The following NCOA1 variants were observed in gnomAD, a reference collection of about 807,000 sequenced individuals.
The protein encoded by NCOA1 is nuclear receptor coactivator 1, also known as Hin-2 protein.
NCOA1 carries 35 observed loss-of-function variants against 150.9 expected under a neutral mutation model. The observed-to-expected ratio is 0.23, with a 90% CI of 0.18 to 0.31. The LOEUF is 0.31. Ranked by LOEUF, NCOA1 falls within the 10% of genes least tolerant of loss-of-function variation. The pLI is 1.00. For synonymous variants in NCOA1, 590 were observed against 630.0 expected, an observed-to-expected ratio of 0.94 and a Z score of 0.95; for missense variants, 1,491 against 1,749.3, an observed-to-expected ratio of 0.85 and a Z score of 2.63.
intron 3 of NCOA1, among the ~76,000 whole-genome samples, chr2:24,613,394 G>A (rs1668723392): frequency 6.6e-6 from 1 of 152,214 alleles, no homozygotes; most frequent in Non-Finnish European, 1.5e-5. Context: ...CCCCAGGGGA[G>A]TGGGAAGCAA....
intron 14 of NCOA1, among the ~76,000 whole-genome samples, chr2:24,723,163 T>C (rs1674442604): frequency 6.6e-6 from 1 of 152,170 alleles, no homozygotes; most frequent in Admixed American, 6.5e-5. Context: ...CTTCAAAAAT[T>C]ACGTACATAG....
intron 3 of NCOA1, among the ~76,000 whole-genome samples, chr2:24,603,728 G>A (rs1668232412): frequency 6.6e-6 from 1 of 152,176 alleles, no homozygotes. Flanking sequence ...CATATCTGCG[G>A]TTACTTCTAC....
At position 24,707,610 on chromosome 2, in the gene NCOA1, A is replaced by AGT; in HGVS notation, c.2142_2143dup (p.Ala715ValfsTer8). 6.2e-7 allele frequency: 1 copy of AGT among 1,614,246 alleles called. No homozygotes were observed. Among genetic ancestry groups the AGT allele is most frequent in the Non-Finnish European group, 8.5e-7 (1 of 1,180,038 alleles). ...GTCTGTCGAGCCTGATAAAAAGGACAGTGCATCTACTTCTGTGTCAGTGAC... is the reference window on the plus strand; with the variant it reads ...GTCTGTCGAGCCTGATAAAAAGGACAGTGTGCATCTACTTCTGTGTCAGTGAC... On this transcript the variant is annotated frameshift_variant, in exon 13 of 23. Coordinates refer to ENST00000348332, the MANE Select transcript of NCOA1 (RefSeq NM_003743.5). LOFTEE classifies it high-confidence loss of function.
At chr2:24,763,428 A>C (rs1425251656) in intron 22 of NCOA1, among the ~76,000 whole-genome samples, 1 of 150,614 alleles carries the variant, frequency 6.6e-6, no homozygotes, top group Non-Finnish European at 1.5e-5. Context: ...AGTCCCAGCT[A>C]CTTGGGAGGC....
intron 1 of NCOA1, among the ~76,000 whole-genome samples, chr2:24,507,485 G>A (rs1194441825): frequency 6.9e-6 from 1 of 145,806 alleles, no homozygotes; most frequent in Non-Finnish European, 1.5e-5. Context: ...ACATACTTAT[G>A]GGGTGCCTAT....
intron 3 of NCOA1, among the ~76,000 whole-genome samples, chr2:24,639,309 A>G (rs1670073385): frequency 6.6e-6 from 1 of 151,710 alleles, no homozygotes; most frequent in African/African-American, 2.4e-5. Flanking sequence ...ATTTTTTGAG[A>G]TTTTTCATGT....
chr2:24,715,097 T>A (rs1275201952), intron 14 of NCOA1, among the ~76,000 whole-genome samples: 2 of 151,870 alleles, frequency 1.3e-5, no homozygotes, highest in African/African-American at 4.8e-5. Context: ...GCAGGTGAAA[T>A]AAAGATGTTT....
chr2:24,622,642 G>C (rs1399180483), intron 3 of NCOA1, among the ~76,000 whole-genome samples: 3 of 152,032 alleles, frequency 2.0e-5, no homozygotes, highest in Non-Finnish European at 4.4e-5. Context: ...GATTTTGTCA[G>C]TTTTTTTAGT....
chr2:24,639,828 CA>C (rs1284861082), intron 3 of NCOA1, among the ~76,000 whole-genome samples: 2 of 147,938 alleles, frequency 1.4e-5, no homozygotes, highest in African/African-American at 2.5e-5. Flanking sequence ...GCGGAGGTTG[CA>C]GTGAGCAGAG....
chr2:24,576,163 GTTTTTTGTT>G (rs1666963420), intron 2 of NCOA1, among the ~76,000 whole-genome samples: 4 of 92,730 alleles, frequency 4.3e-5, no homozygotes, highest in Admixed American at 1.0e-4. Flanking sequence ...TTTTTTTTTT[GTTTTTTGTT>G]TTTTTTTTTT....
chr2:24,494,271 G>A (rs1663102999), intron 1 of NCOA1, among the ~76,000 whole-genome samples: 1 of 152,144 alleles, frequency 6.6e-6, no homozygotes, highest in African/African-American at 2.4e-5. Flanking sequence ...ATTTATAATT[G>A]TTTTTCAAGG....
intron 2 of NCOA1, among the ~76,000 whole-genome samples, chr2:24,583,064 A>C (rs1403724837): frequency 6.6e-6 from 1 of 152,188 alleles, no homozygotes; most frequent in African/African-American, 2.4e-5. Flanking sequence ...ACAATAGACA[A>C]ATGGTATTAT....
In NCOA1 at chr2:24,550,134, A is replaced by G. The variant is rs528361064; in HGVS notation, c.-395-14161A>G. Among the ~76,000 whole-genome samples, 40 of 152,300 alleles carry G rather than the reference A, an allele frequency of 2.6e-4. 1 individual carries two copies. The highest frequency in any genetic ancestry group is 9.6e-4 in the African/African-American group (40 of 41,576). On this transcript the variant is annotated intron_variant, in intron 1 of 22. Coordinates refer to ENST00000348332, the MANE Select transcript of NCOA1 (RefSeq NM_003743.5). ...TTATCAGCATTTTGGTCAAAGCCAT[A>G]CAACAAGTCTCTACAAAGTTTGAAA...
At chr2:24,571,382 C>T (rs1316523974) in intron 2 of NCOA1, among the ~76,000 whole-genome samples, 2 of 152,148 alleles carry the variant, frequency 1.3e-5, no homozygotes, top group Admixed American at 1.3e-4. Context: ...TATAGAAAAT[C>T]CTATTGCCTG....
intron 2 of NCOA1, among the ~76,000 whole-genome samples, chr2:24,568,521 T>C (rs1336643298): frequency 6.6e-6 from 1 of 152,166 alleles, no homozygotes; most frequent in Non-Finnish European, 1.5e-5. Context: ...TAAGAATTAA[T>C]TTTTAGAGGT....
intron 1 of NCOA1, among the ~76,000 whole-genome samples, chr2:24,534,073 G>T (rs1371675311): frequency 1.5e-5 from 2 of 136,672 alleles, no homozygotes; most frequent in African/African-American, 5.0e-5. Context: ...GTCTGGTCCT[G>T]GACTTTTTTT....
At chr2:24,502,759 C>T (rs1456714061) in intron 1 of NCOA1, among the ~76,000 whole-genome samples, 1 of 152,180 alleles carries the variant, frequency 6.6e-6, no homozygotes, top group African/African-American at 2.4e-5. Flanking sequence ...GGAATGTTCT[C>T]CCTTAATCTA....
At chr2:24,651,186 A>C (rs1282204743) in intron 4 of NCOA1, among the ~76,000 whole-genome samples, 2 of 152,112 alleles carry the variant, frequency 1.3e-5, no homozygotes, top group African/African-American at 4.8e-5. Context: ...CATATGACCC[A>C]GCAATACCTT....
rs150687254 is a variant in NCOA1, at chr2:24,669,876, G to A, written c.257-3490G>A. On this transcript the variant is annotated intron_variant, in intron 6 of 22. Transcript: ENST00000348332. ...GATAAGGCTGGGTGCTGTGGCTCACGCCTGTAATCCCAGCACTTTGGGAGG... is the reference window on the plus strand; with the variant it reads ...GATAAGGCTGGGTGCTGTGGCTCACACCTGTAATCCCAGCACTTTGGGAGG... Among the ~76,000 whole-genome samples, 821 of 152,222 alleles carry A rather than the reference G, an allele frequency of 5.4e-3. 5 individuals are homozygous for A. The highest frequency in any genetic ancestry group is 0.019 in the African/African-American group (773 of 41,550).
Sources: allele counts gnomAD v4.1 joint callset (sites outside exome capture counted in the v4.1 genomes callset), GRCh38; gene constraint gnomAD v4.1.1; transcripts MANE v1.5; gene names NCBI Gene and HGNC (gene_info 2026-07-23, HGNC 2026-07-21).